Variants in COL23A1 observed in about 807,000 individuals in gnomAD.
COL23A1 encodes the protein collagen type XXIII alpha 1 chain.
A neutral mutation model predicts 99.3 loss-of-function variants in COL23A1; 97 were observed. That is an observed-to-expected ratio of 0.98 (90% CI 0.83 to 1.16). The LOEUF (loss-of-function observed/expected upper bound fraction) is 1.16. Among genes scored for constraint, COL23A1 ranks in the 50% most tolerant of loss-of-function variants. The pLI is 0.00. For missense variants in COL23A1, 762 were observed against 757.4 expected (o/e 1.01, Z -0.07); for synonymous variants, 320 against 308.2 (o/e 1.04, Z -0.40).
chr5:178,309,724 G>A lies in COL23A1; in HGVS notation c.362-2805C>T, dbSNP rs946022400. Among the ~76,000 whole-genome samples the A allele has an allele frequency of 1.4e-5, 2 of 140,546 alleles. No homozygotes were observed. The highest frequency in any genetic ancestry group is 3.1e-5 in the Non-Finnish European group (2 of 65,288). The allele number at this position is 140,546 out of a possible 152,430, so 92.2% of individuals were successfully genotyped here. On this transcript the variant is annotated intron_variant, in intron 2 of 28. Coordinates refer to ENST00000390654, the MANE Select transcript of COL23A1 (RefSeq NM_173465.4). This position sits in a 1 kb window ranked among gnomAD's most constrained non-coding sequence, Gnocchi z 4.7. ...GAGACCCCCCCCCGGGCATCATCCT[G>A]CCCCAGCCCCCAACCTGGACCCCTT...
chr5:178,290,401 G>T (rs1387666367), intron 3 of COL23A1, 32 bp from the exon 4 acceptor site: 3 of 1,611,990 alleles, frequency 1.9e-6, no homozygotes, highest in Admixed American at 3.3e-5. Flanking sequence ...GCCACAGTCA[G>T]TGTGGAAGGC....
intron 2 of COL23A1, among the ~76,000 whole-genome samples, chr5:178,344,642 CA>C (rs200724984): frequency 1.4e-4 from 20 of 146,366 alleles, no homozygotes; most frequent in Non-Finnish European, 2.1e-4. Flanking sequence ...GATTCTGTCT[CA>C]AAAAAAAAAG....
chr5:178,532,834 C>T (rs1046031742), intron 2 of COL23A1, among the ~76,000 whole-genome samples: 3 of 152,134 alleles, frequency 2.0e-5, no homozygotes, highest in African/African-American at 7.2e-5. Flanking sequence ...CTTTCTGACA[C>T]GTGAGGATGT....
chr5:178,333,881 TC>T lies in COL23A1; in HGVS notation c.362-26963del, dbSNP rs527331893. 1.9e-3 allele frequency among the ~76,000 whole-genome samples: 283 copies of T among 152,178 alleles called. 2 individuals carry two copies. The highest frequency in any genetic ancestry group is 6.6e-3 in the African/African-American group (272 of 41,526). ...TTCTTCCTGTCTCAGTGATATGAGGTCCCCAGACCTGGACAGGGCCCGTGAG... is the reference window on the plus strand; with the variant it reads ...TTCTTCCTGTCTCAGTGATATGAGGTCCCAGACCTGGACAGGGCCCGTGAG... On this transcript the variant is annotated intron_variant, in intron 2 of 28. Transcript: ENST00000390654.
intron 1 of COL23A1, among the ~76,000 whole-genome samples, chr5:178,573,832 A>C (rs1467189317): frequency 6.6e-6 from 1 of 151,166 alleles, no homozygotes; most frequent in African/African-American, 2.4e-5. Context: ...CCACACATAA[A>C]AGAAGACATA....
chr5:178,575,634 C>T (rs1166092407), intron 1 of COL23A1, among the ~76,000 whole-genome samples: 1 of 152,056 alleles, frequency 6.6e-6, no homozygotes, highest in Non-Finnish European at 1.5e-5. Flanking sequence ...AAAAGCAAGT[C>T]TTCCCACAGC....
At chr5:178,381,936 T>A (rs376457654) in intron 2 of COL23A1, among the ~76,000 whole-genome samples, 3 of 152,226 alleles carry the variant, frequency 2.0e-5, no homozygotes, top group Non-Finnish European at 4.4e-5. Flanking sequence ...ACACCCAGCA[T>A]TGCCTGGAAT....
chr5:178,320,073 C>G (rs1759206767), intron 2 of COL23A1, among the ~76,000 whole-genome samples: 1 of 151,842 alleles, frequency 6.6e-6, no homozygotes, highest in African/African-American at 2.4e-5. Flanking sequence ...GACCACCAGC[C>G]TCAATTTTCA....
Position 178,252,533 on chromosome 5 carries a change from T to C in COL23A1, c.1014+11A>G. ...ATGCTTGGGGGACCACATAGCTGCA[T>C]CTGCACTGACCTTGGCTCCAGGGAT... On this transcript the variant is annotated intron_variant, in intron 17 of 28. Transcript: ENST00000390654. 1 of 1,610,344 alleles carries C rather than the reference T, an allele frequency of 6.2e-7. No homozygotes were observed. Among genetic ancestry groups the C allele is most frequent in the African/African-American group, 1.3e-5 (1 of 74,964 alleles).
intron 2 of COL23A1, among the ~76,000 whole-genome samples, chr5:178,393,313 G>A (rs1251730623): frequency 6.6e-6 from 1 of 152,182 alleles, no homozygotes; most frequent in Non-Finnish European, 1.5e-5. Context: ...AATGCTGGAT[G>A]AGCCAAGCCA....
intron 2 of COL23A1, among the ~76,000 whole-genome samples, chr5:178,458,658 CAAAA>C (rs762946043): frequency 2.5e-4 from 34 of 138,228 alleles, no homozygotes; most frequent in Non-Finnish European, 5.3e-4. Flanking sequence ...ACACAAGAAA[CAAAA>C]CAAACAAACA....
chr5:178,300,043 C>T (rs1024924885), intron 3 of COL23A1, among the ~76,000 whole-genome samples: 2 of 149,118 alleles, frequency 1.3e-5, no homozygotes, highest in Admixed American at 1.3e-4. Context: ...CATAAGCCAC[C>T]GTGCCTGGCT....
chr5:178,529,010 T>C (rs1415085241), intron 2 of COL23A1, among the ~76,000 whole-genome samples: 3 of 152,258 alleles, frequency 2.0e-5, no homozygotes, highest in Non-Finnish European at 4.4e-5. Flanking sequence ...AATGTATTGT[T>C]TCTCAGGATT....
chr5:178,346,730 C>A (rs1460409116), intron 2 of COL23A1, among the ~76,000 whole-genome samples: 1 of 152,160 alleles, frequency 6.6e-6, no homozygotes, highest in Non-Finnish European at 1.5e-5. Flanking sequence ...TCCTTCCCCC[C>A]GAAAAGATCA....
intron 2 of COL23A1, among the ~76,000 whole-genome samples, chr5:178,358,405 G>A (rs1005122361): frequency 3.2e-5 from 4 of 123,520 alleles, no homozygotes; most frequent in African/African-American, 1.1e-4. Flanking sequence ...GTATGTGTAT[G>A]TGTGTATGTG....
At chr5:178,332,984 G>T (rs184732189) in intron 2 of COL23A1, among the ~76,000 whole-genome samples, 13 of 152,160 alleles carry the variant, frequency 8.5e-5, no homozygotes, top group Non-Finnish European at 1.6e-4. Flanking sequence ...TTGAGACGGA[G>T]TCTCACTCTG....
chr5:178,585,331 C>G (rs1400216929), intron 1 of COL23A1, among the ~76,000 whole-genome samples: 2 of 151,742 alleles, frequency 1.3e-5, no homozygotes, highest in African/African-American at 4.8e-5. Flanking sequence ...ACACTTGTGG[C>G]CCCGGCTGAC....
chr5:178,527,037 G>A (rs1261889417), intron 2 of COL23A1, among the ~76,000 whole-genome samples: 1 of 152,222 alleles, frequency 6.6e-6, no homozygotes, highest in Non-Finnish European at 1.5e-5. Flanking sequence ...GGGAAGCTGA[G>A]TCCGGAAGCC....
intron 3 of COL23A1, among the ~76,000 whole-genome samples, chr5:178,302,698 A>G (rs1479394960): frequency 1.3e-5 from 2 of 152,148 alleles, no homozygotes; most frequent in Non-Finnish European, 2.9e-5. Context: ...CATTCCCTAT[A>G]TTTTTATTGT....
Sources: gnomAD v4.1 joint callset for allele counts (sites outside exome capture counted in the v4.1 genomes callset) on GRCh38, gnomAD v4.1.1 for gene constraint, Gnocchi (gnomAD v3.1) non-coding constraint, MANE v1.5 for transcripts, NCBI Gene and HGNC (gene_info 2026-07-23, HGNC 2026-07-21) for gene names.